BMPR1A: variants seen among roughly 807,000 people sequenced by gnomAD.
BMPR1A encodes the protein bone morphogenetic protein receptor type-1A.
In BMPR1A, 7 loss-of-function variants were observed where a neutral mutation model predicts 66.0. The observed-to-expected ratio is 0.11, with a 90% confidence interval of 0.06 to 0.20. BMPR1A has a LOEUF of 0.20. Among genes scored for constraint, BMPR1A ranks in the 10% least tolerant of loss-of-function variants. BMPR1A has a pLI of 1.00. For missense variants in BMPR1A, 408 were observed against 669.1 expected (o/e 0.61, Z 4.31); for synonymous variants, 200 against 229.7 (o/e 0.87, Z 1.17).
At chr10:86,783,502 T>C (rs1841468183) in intron 1 of BMPR1A, among the ~76,000 whole-genome samples, 1 of 152,226 alleles carries the variant, frequency 6.6e-6, no homozygotes, top group Admixed American at 6.5e-5. Flanking sequence ...CCCATTTGTG[T>C]GTTTAATTTT....
chr10:86,833,547 G>A (rs551593625), intron 1 of BMPR1A, among the ~76,000 whole-genome samples: 44 of 152,246 alleles, frequency 2.9e-4, no homozygotes, highest in African/African-American at 9.9e-4. Flanking sequence ...TTTAAACTTC[G>A]GCAATTGGGC....
chr10:86,876,229 G>A (rs1450682338), intron 3 of BMPR1A, 144 bp downstream of exon 3: 20 of 735,922 alleles, frequency 2.7e-5, no homozygotes, highest in African/African-American at 1.2e-4. Context: ...GATGAAACAC[G>A]TGCCAAATAA....
intron 3 of BMPR1A, among the ~76,000 whole-genome samples, chr10:86,878,640 A>G (rs1417435251): frequency 6.6e-6 from 1 of 152,202 alleles, no homozygotes; most frequent in Non-Finnish European, 1.5e-5. Context: ...CCAAGTGGTT[A>G]CTATTATCTG....
In BMPR1A at chr10:86,841,079, T is replaced by C. The variant is rs989942378; in HGVS notation, c.-153+2100T>C. Among the ~76,000 whole-genome samples, 3 of 152,242 alleles carry C rather than the reference T, an allele frequency of 2.0e-5. No homozygotes were observed. The South Asian group carries it at 6.2e-4, about 32-fold the overall frequency. On this transcript the variant is annotated intron_variant, in intron 2 of 12. Transcript: ENST00000372037. ...CTGCCAGAGTAAGGACAGATTCCTC[T>C]AATTTTAAAGATAGTGTAGCTTTGC...
Position 86,857,763 on chromosome 10 carries a change from A to C in BMPR1A, c.-152-18104A>C, listed in dbSNP as rs1351768030. ...AGATCTAGTGATCCAAAAAAAAAAA[A>C]AAAACAAGGAGAAAGCTGCAGTGCC... On this transcript the variant is annotated intron_variant, in intron 2 of 12. Coordinates refer to ENST00000372037, the MANE Select transcript of BMPR1A (RefSeq NM_004329.3). 2.6e-5 allele frequency among the ~76,000 whole-genome samples: 4 copies of C among 152,000 alleles called. 1 individual carries two copies. In the South Asian group the frequency reaches 8.3e-4, roughly 32 times the overall value.
intron 1 of BMPR1A, among the ~76,000 whole-genome samples, chr10:86,809,321 ACT>A (rs111924453): frequency 0.31 from 46,813 of 150,822 alleles, 8,287 homozygotes; most frequent in East Asian, 0.69. Flanking sequence ...ACAGGGTCTC[ACT>A]CTGTCACCCA....
chr10:86,800,202 G>T (rs145607871), intron 1 of BMPR1A, among the ~76,000 whole-genome samples: 1 of 152,082 alleles, frequency 6.6e-6, no homozygotes, highest in Non-Finnish European at 1.5e-5. Context: ...GGTAAGATGG[G>T]CAGCACAGGG....
At position 86,851,753 on chromosome 10, in the gene BMPR1A, C is replaced by T. The variant is rs765338566; in HGVS notation, c.-153+12774C>T. Reference sequence around the variant, plus strand: ...GGAAGGAGTGCCTGTGAAGGGAGAGCGGCTGCACTGACTTTGGTAGAGTTG... The same window carrying T: ...GGAAGGAGTGCCTGTGAAGGGAGAGTGGCTGCACTGACTTTGGTAGAGTTG... On this transcript the variant is annotated intron_variant, in intron 2 of 12. Transcript: ENST00000372037. 3.9e-5 allele frequency among the ~76,000 whole-genome samples: 6 copies of T among 152,106 alleles called. No homozygotes were observed. In the South Asian group the frequency reaches 1.0e-3, roughly 26 times the overall value.
chr10:86,884,286 A>G (rs1349266643), intron 3 of BMPR1A, among the ~76,000 whole-genome samples: 1 of 148,808 alleles, frequency 6.7e-6, no homozygotes, highest in African/African-American at 2.5e-5. Context: ...AGGTCTCAGC[A>G]TGTTTCCCAG....
intron 7 of BMPR1A, among the ~76,000 whole-genome samples, chr10:86,903,330 A>G (rs1399805143): frequency 6.6e-6 from 1 of 152,168 alleles, no homozygotes; most frequent in East Asian, 1.9e-4. Flanking sequence ...AAATCAAGAC[A>G]TGGCAGATTT....
intron 1 of BMPR1A, among the ~76,000 whole-genome samples, chr10:86,790,008 T>C (rs1841577497): frequency 6.7e-6 from 1 of 148,878 alleles, no homozygotes; most frequent in Non-Finnish European, 1.5e-5. Context: ...TACAAAAAAT[T>C]AGCCGGGCGT....
At chr10:86,868,579 C>G (rs910049268) in intron 2 of BMPR1A, among the ~76,000 whole-genome samples, 1 of 152,240 alleles carries the variant, frequency 6.6e-6, no homozygotes, top group African/African-American at 2.4e-5. Context: ...GCGCCTGGAG[C>G]TGCCTGGCGG....
chr10:86,929,560 C>T (rs1464853939), downstream of BMPR1A: 2 of 152,214 alleles, frequency 1.3e-5, no homozygotes, highest in Admixed American at 1.3e-4. Flanking sequence ...TATTGTTCCT[C>T]AAAAGAAATG....
rs529096993 is a variant in BMPR1A at position 86,810,073 on chromosome 10, C to T, written c.-267-28792C>T. Among the ~76,000 whole-genome samples, 19 of 152,006 alleles carry T rather than the reference C, an allele frequency of 1.2e-4. No individual in the cohort carries two copies. In the South Asian group the frequency reaches 2.9e-3, roughly 23 times the overall value. On this transcript the variant is annotated intron_variant, in intron 1 of 12. Transcript: ENST00000372037. ...GCAACCTCCGCCTCCCGGGTTCAAGCGATTCTTGTGTCTCAGCTTCCCGAG... is the reference window on the plus strand; with the variant it reads ...GCAACCTCCGCCTCCCGGGTTCAAGTGATTCTTGTGTCTCAGCTTCCCGAG...
rs751663790 is a variant in BMPR1A, at chr10:86,890,243, C to A, written c.230+19C>A. The A allele has an allele frequency of 8.1e-6, 13 of 1,612,100 alleles. No individual in the cohort carries two copies. Among genetic ancestry groups the A allele is most frequent in the Non-Finnish European group, 1.1e-5 (13 of 1,178,452 alleles). On this transcript the variant is annotated intron_variant, in intron 4 of 12. Transcript: ENST00000372037. ...CATGCATGTAAGTATTTTATGCAGCCCTTCTTAAGAGTTAGGAGAATAGAG... is the reference window on the plus strand; with the variant it reads ...CATGCATGTAAGTATTTTATGCAGCACTTCTTAAGAGTTAGGAGAATAGAG...
intron 1 of BMPR1A, among the ~76,000 whole-genome samples, chr10:86,808,056 A>G (rs1407051082): frequency 1.3e-5 from 2 of 152,152 alleles, no homozygotes; most frequent in Admixed American, 6.5e-5. Context: ...TCTGTTTTGG[A>G]AGGTTACTGC....
intron 1 of BMPR1A, among the ~76,000 whole-genome samples, chr10:86,835,046 C>T (rs564017308): frequency 1.4e-3 from 207 of 151,746 alleles, no homozygotes; most frequent in Non-Finnish European, 2.5e-3. Context: ...TCTAAGAATT[C>T]CATTACATCT....
intron 1 of BMPR1A, among the ~76,000 whole-genome samples, chr10:86,834,320 A>G (rs189564210): frequency 1.1e-3 from 175 of 152,294 alleles, no homozygotes; most frequent in African/African-American, 1.2e-3. Context: ...TAGATTTTCT[A>G]TGCAACCCAG....
At chr10:86,821,468 G>A (rs12767856) in intron 1 of BMPR1A, among the ~76,000 whole-genome samples, 2,032 of 152,182 alleles carry the variant, frequency 0.013, 24 homozygotes, top group Middle Eastern at 0.051. Context: ...CTAAATCTGG[G>A]TGCACAACAT....
Sources: gnomAD v4.1 joint callset for allele counts (sites outside exome capture counted in the v4.1 genomes callset) on GRCh38, gnomAD v4.1.1 for gene constraint, MANE v1.5 for transcripts, NCBI Gene and HGNC (gene_info 2026-07-23, HGNC 2026-07-21) for gene names.